The following ACOT2 variants were observed in gnomAD, a reference collection of about 807,000 sequenced individuals.
ACOT2 encodes acyl-coenzyme A thioesterase 2, mitochondrial.
Under a neutral mutation model 20.1 loss-of-function variants are expected in ACOT2, and 15 were observed. The ratio of observed to expected loss-of-function variants is 0.75; its 90% CI spans 0.50 to 1.15. The LOEUF (loss-of-function observed/expected upper bound fraction) is 1.15, where lower values mean the gene tolerates loss of function less well. Among genes scored for constraint, ACOT2 ranks in the 50% most tolerant of loss-of-function variants. The pLI, the probability that ACOT2 is intolerant of heterozygous loss-of-function variation, is 0.00. For missense variants in ACOT2, 479 were observed against 615.3 expected, an observed-to-expected ratio of 0.78 and a Z score of 2.34; for synonymous variants, 252 against 268.4, an observed-to-expected ratio of 0.94 and a Z score of 0.60.
chr14:73,568,979 G>A, upstream of ACOT2: 1 of 514,428 alleles, frequency 1.9e-6, no homozygotes, highest in Non-Finnish European at 3.5e-6. Context: ...CAGGAGTTTG[G>A]AGCCTGGAGA....
intron 2 of ACOT2, among the ~76,000 whole-genome samples, chr14:73,573,819 C>T (rs1438978814): frequency 6.6e-6 from 1 of 151,940 alleles, no homozygotes; most frequent in African/African-American, 2.4e-5. Flanking sequence ...CTCCACCTCC[C>T]AAGTTCAAGT....
At chr14:73,570,522 T>G (rs1329848416) in intron 1 of ACOT2, among the ~76,000 whole-genome samples, 5 of 151,354 alleles carry the variant, frequency 3.3e-5, no homozygotes, top group Admixed American at 6.6e-5. Flanking sequence ...TGAGCTGAGA[T>G]CGCGCCACTG....
At chr14:73,569,196 G>A (rs1889654885), upstream of ACOT2, 3 of 1,602,200 alleles carry the variant, frequency 1.9e-6, 1 homozygote, top group Non-Finnish European at 2.6e-6. Context: ...TTAGCAGACA[G>A]CTCTGCCCTA....
chr14:73,568,925 A>G, upstream of ACOT2: 2 of 398,504 alleles, frequency 5.0e-6, no homozygotes, highest in Non-Finnish European at 9.2e-6. Flanking sequence ...ATTATTCAAC[A>G]AAGTGATCAA....
rs968719351 is a variant in ACOT2 at position 73,575,603 on chromosome 14, T to C, written c.*90T>C. The C allele has an allele frequency of 7.0e-6, 11 of 1,569,790 alleles. No homozygotes were observed. The highest frequency in any genetic ancestry group is 6.0e-5 in the Admixed American group (3 of 49,914). On this transcript the variant is annotated 3_prime_UTR_variant, in exon 3 of 3. Coordinates refer to ENST00000238651, the MANE Select transcript of ACOT2 (RefSeq NM_006821.6). ...GTGTGTATGTGTATTCATTCTTTTG[T>C]TTTTAATAACTAAAGTTTTTTCCCC...
At chr14:73,572,290 G>A (rs1433657537) in intron 1 of ACOT2, among the ~76,000 whole-genome samples, 1 of 150,462 alleles carries the variant, frequency 6.6e-6, no homozygotes, top group Non-Finnish European at 1.5e-5. Flanking sequence ...AGCAGTCAAA[G>A]TGATTGAACT....
intron 1 of ACOT2, among the ~76,000 whole-genome samples, chr14:73,572,038 T>A (rs1165064751): frequency 2.6e-5 from 4 of 151,006 alleles, no homozygotes; most frequent in African/African-American, 9.8e-5. Flanking sequence ...CTGACCAGTA[T>A]GTGGAGGAAA....
chr14:73,569,757 G>A lies in ACOT2; in HGVS notation c.517G>A (p.Gly173Ser), dbSNP rs1889677190. ...PLAVELEVLDGHDPDPGRLLC... is the reference protein window; with the variant it reads ...PLAVELEVLDSHDPDPGRLLC... ...GGCCGTGGAGCTGGAGGTGCTGGAT[G>A]GCCACGACCCCGACCCCGGGCGGCT... Residue 173 changes from glycine (G) to serine (S), a missense_variant, in exon 1 of 3, where the codon GGC (glycine) becomes AGC (serine). Physicochemically the swap from Gly to Ser is moderately conservative, Grantham distance 56. This residue lies in a region of ACOT2 where 400 missense variants were observed against 395.5 expected (regional missense o/e 1.01). Transcript: ENST00000238651. The A allele has an allele frequency of 2.1e-5, 33 of 1,608,898 alleles. 1 individual carries two copies. The highest frequency in any genetic ancestry group is 2.8e-5 in the Non-Finnish European group (33 of 1,178,594).
At position 73,569,616 on chromosome 14, in the gene ACOT2, C is replaced by T; in HGVS notation, c.376C>T (p.Arg126Cys). The change falls in exon 1 of 3, where the codon CGC (arginine) becomes TGC (cysteine). Residue 126 changes from arginine to cysteine, a missense_variant. Coordinates refer to ENST00000238651, the MANE Select transcript of ACOT2 (RefSeq NM_006821.6). ...ADTLGELDLE[R>C]APALGGSFAG... ...CACTCTTGGCGAGCTGGACCTGGAG[C>T]GCGCGCCCGCGCTGGGCGGCAGCTT... The T allele has an allele frequency of 1.2e-6, 2 of 1,600,250 alleles. No individual in the cohort carries two copies. Among genetic ancestry groups the T allele is most frequent in the Non-Finnish European group, 1.7e-6 (2 of 1,175,462 alleles).
In ACOT2 at chr14:73,569,633, C is replaced by A; in HGVS notation, c.393C>A (p.Gly131=). Residue 131 remains glycine, a synonymous_variant, in exon 1 of 3, where the codon GGC becomes GGA. Transcript: ENST00000238651. Reference sequence around the variant, plus strand: ...ACCTGGAGCGCGCGCCCGCGCTGGGCGGCAGCTTCGCGGGGCTTGAGCCCA... The same window carrying A: ...ACCTGGAGCGCGCGCCCGCGCTGGGAGGCAGCTTCGCGGGGCTTGAGCCCA... ...ELDLERAPAL[G]GSFAGLEPMG... 6.2e-7 allele frequency: 1 copy of A among 1,602,098 alleles called. No individual in the cohort carries two copies. The highest frequency in any genetic ancestry group is 2.2e-5 in the East Asian group (1 of 44,488).
chr14:73,571,842 C>A (rs1429480223), intron 1 of ACOT2, among the ~76,000 whole-genome samples: 2 of 152,068 alleles, frequency 1.3e-5, no homozygotes, highest in Non-Finnish European at 2.9e-5. Context: ...ATAGGAAAAC[C>A]TCTTCCTGTC....
At chr14:73,574,832 C>G in intron 2 of ACOT2, 76 bp from the exon 3 acceptor site, 3 of 1,606,392 alleles carry the variant, frequency 1.9e-6, no homozygotes, top group Non-Finnish European at 2.6e-6. Context: ...CAACTAACTT[C>G]CAGGGTGGAC....
intron 2 of ACOT2, 146 bp downstream of exon 2, chr14:73,573,736 T>C: frequency 1.9e-6 from 2 of 1,059,928 alleles, no homozygotes; most frequent in Non-Finnish European, 2.7e-6. Context: ...TATAGACAGT[T>C]TCTTTTTTTG....
At position 73,569,946 on chromosome 14, in the gene ACOT2, C is replaced by T. The variant is rs1156387171; in HGVS notation, c.643+63C>T. 237 of 1,529,734 alleles carry T rather than the reference C, an allele frequency of 1.5e-4. 4 individuals are homozygous for T. Among genetic ancestry groups the T allele is most frequent in the Non-Finnish European group, 2.0e-4 (225 of 1,141,016 alleles). 94.8% of individuals were successfully genotyped at this position (1,529,734 alleles called of 1,614,324 possible). A position where few individuals can be genotyped will look rare whatever the true frequency, so the allele number is the denominator to read the frequency against. ...CTTTCACTTTGTGTGTCTCCCCCGC[C>T]CCACGCTTTTCGCTTATGTGTATGC... On this transcript the variant is annotated intron_variant, in intron 1 of 2. Coordinates refer to ENST00000238651, the MANE Select transcript of ACOT2 (RefSeq NM_006821.6).
chr14:73,570,134 C>T (rs544783493), intron 1 of ACOT2, among the ~76,000 whole-genome samples: 1 of 151,326 alleles, frequency 6.6e-6, no homozygotes, highest in Non-Finnish European at 1.5e-5. Context: ...CCGTCCCTGC[C>T]CTTTTCACAC....
rs991016116 is a variant in ACOT2 at position 73,574,392 on chromosome 14, G to T, written c.847-516G>T. ...TGATTCTTCTGCCTCAGCCTCCCACGTAGCTGTGACTACAGGCACGTGCCA... is the reference window on the plus strand; with the variant it reads ...TGATTCTTCTGCCTCAGCCTCCCACTTAGCTGTGACTACAGGCACGTGCCA... On this transcript the variant is annotated intron_variant, in intron 2 of 2. Coordinates refer to ENST00000238651, the MANE Select transcript of ACOT2 (RefSeq NM_006821.6). 3 of 194,390 alleles carry T rather than the reference G, an allele frequency of 1.5e-5. No homozygotes were observed. In the South Asian group the frequency reaches 2.9e-4, roughly 19 times the overall value. The allele number at this position is 194,390 out of a possible 1,614,324, so 12.0% of individuals were successfully genotyped here.
chr14:73,573,683 C>A, intron 2 of ACOT2, 93 bp downstream of exon 2: 3 of 1,403,552 alleles, frequency 2.1e-6, no homozygotes, highest in Non-Finnish European at 3.0e-6. Context: ...TTCATGACAG[C>A]CATTCCCTAC....
chr14:73,569,593 C>T lies in ACOT2; in HGVS notation c.353C>T (p.Thr118Ile), dbSNP rs531121405. The T allele has an allele frequency of 1.9e-6, 3 of 1,602,100 alleles. No homozygotes were observed. The South Asian group carries it at 3.3e-5, about 18-fold the overall frequency. The change falls in exon 1 of 3, where the codon ACT becomes ATT. Residue 118 changes from threonine to isoleucine, a missense_variant. Physicochemically the swap from Thr to Ile is moderately conservative, Grantham distance 89. Transcript: ENST00000238651. ...FQAHARYRAD[T>I]LGELDLERAP... is the part of the protein sequence containing the mutation. ...GCCCACGCGCGCTACCGCGCCGACA[C>T]TCTTGGCGAGCTGGACCTGGAGCGC...
In ACOT2 at chr14:73,575,166, A is replaced by T. The variant is rs1377247953; in HGVS notation, c.1105A>T (p.Ser369Cys). 2.5e-5 allele frequency: 29 copies of T among 1,169,888 alleles called. No homozygotes were observed. The highest frequency in any genetic ancestry group is 3.3e-5 in the Non-Finnish European group (28 of 845,440). The allele number at this position is 1,169,888 out of a possible 1,614,324, so 72.5% of individuals were successfully genotyped here. A position where few individuals can be genotyped will look rare whatever the true frequency, so the allele number is the denominator to read the frequency against. ...NSPLEGPDQKSFIPVERAEST... is the reference protein window; with the variant it reads ...NSPLEGPDQKCFIPVERAEST... Reference sequence around the variant, plus strand: ...CCCTTTGGAAGGACCTGACCAGAAGAGCTTCATTCCTGTGGAAAGGGCAGA... The same window carrying T: ...CCCTTTGGAAGGACCTGACCAGAAGTGCTTCATTCCTGTGGAAAGGGCAGA... Residue 369 changes from serine (S) to cysteine (C), a missense_variant, in exon 3 of 3, where the codon AGC (serine) becomes TGC (cysteine). Coordinates refer to ENST00000238651, the MANE Select transcript of ACOT2 (RefSeq NM_006821.6).
Sources: allele counts gnomAD v4.1 joint callset (sites outside exome capture counted in the v4.1 genomes callset), GRCh38; gene constraint gnomAD v4.1.1; regional missense constraint gnomAD v4.1.1; transcripts MANE v1.5; gene names NCBI Gene and HGNC (gene_info 2026-07-23, HGNC 2026-07-21).